Variants in LNP1 observed in about 807,000 individuals in gnomAD.
LNP1 encodes leukemia NUP98 fusion partner 1.
LNP1 carries 12 observed loss-of-function variants against 14.5 expected under a neutral mutation model. The ratio of observed to expected loss-of-function variants is 0.83; its 90% CI spans 0.53 to 1.34. The LOEUF is 1.34. Among genes scored for constraint, LNP1 ranks in the 40% most tolerant of loss-of-function variants. LNP1 has a pLI of 0.00. For synonymous variants in LNP1, 75 were observed against 71.4 expected (o/e 1.05, Z -0.26); for missense variants, 198 against 210.9 (o/e 0.94, Z 0.38).
intron 2 of LNP1, among the ~76,000 whole-genome samples, chr3:100,445,672 G>A (rs529716316): frequency 1.3e-5 from 2 of 152,134 alleles, no homozygotes; most frequent in East Asian, 3.9e-4. Context: ...AAAGTTTTTG[G>A]TTTTTAAAAA....
intron 1 of LNP1, among the ~76,000 whole-genome samples, chr3:100,421,914 T>C (rs530896596): frequency 6.6e-6 from 1 of 152,314 alleles, no homozygotes; most frequent in South Asian, 2.1e-4. Flanking sequence ...TGCAATTTAT[T>C]TTCCTAAATG....
intron 2 of LNP1, among the ~76,000 whole-genome samples, chr3:100,445,593 A>G (rs1457686735): frequency 6.6e-6 from 1 of 152,230 alleles, no homozygotes; most frequent in Non-Finnish European, 1.5e-5. Context: ...CTTAATTAAA[A>G]AACATTTTTA....
intron 1 of LNP1, among the ~76,000 whole-genome samples, chr3:100,412,860 A>G (rs939045958): frequency 2.0e-5 from 3 of 152,166 alleles, no homozygotes; most frequent in African/African-American, 7.2e-5. Flanking sequence ...CTGTATCTGT[A>G]AGAGGGTTGG....
At chr3:100,409,670 T>C (rs1362175459) in intron 1 of LNP1, among the ~76,000 whole-genome samples, 6 of 149,846 alleles carry the variant, frequency 4.0e-5, no homozygotes, top group African/African-American at 1.5e-4. Context: ...TGATCTCGGC[T>C]CACTGCAACT....
intron 2 of LNP1, among the ~76,000 whole-genome samples, chr3:100,446,755 G>A (rs1179312225): frequency 6.6e-6 from 1 of 151,824 alleles, no homozygotes; most frequent in Non-Finnish European, 1.5e-5. Flanking sequence ...AATTTACAAG[G>A]AAAAATCCAA....
rs1362685289 is a variant in LNP1 at position 100,401,715 on chromosome 3, G to A, written c.-758G>A. ...CTGAACTTCTTATCACTAACATAGC[G>A]AGATTTTAGTTTGGACGAATTTGAG... On this transcript the variant is annotated 5_prime_UTR_variant, in exon 1 of 4. Coordinates refer to ENST00000383693, the MANE Select transcript of LNP1 (RefSeq NM_001085451.2). The A allele has an allele frequency of 6.6e-6, 1 of 152,256 alleles. No homozygotes were observed. The highest frequency in any genetic ancestry group is 1.5e-5 in the Non-Finnish European group (1 of 68,064). 9.4% of individuals were successfully genotyped at this position (152,256 alleles called of 1,614,324 possible). A position where few individuals can be genotyped will look rare whatever the true frequency, so the allele number is the denominator to read the frequency against.
intron 2 of LNP1, among the ~76,000 whole-genome samples, chr3:100,450,106 T>C (rs1707424306): frequency 7.2e-6 from 1 of 139,262 alleles, no homozygotes; most frequent in African/African-American, 2.7e-5. Context: ...TTTTTTTTTT[T>C]TGGTGGGAAC....
intron 1 of LNP1, among the ~76,000 whole-genome samples, chr3:100,417,215 C>T (rs555719878): frequency 3.9e-5 from 6 of 151,988 alleles, no homozygotes; most frequent in South Asian, 2.1e-4. Flanking sequence ...TGTCTATTAC[C>T]TCCCTCTCCC....
intron 3 of LNP1, 45 bp from the exon 4 acceptor site, chr3:100,455,732 C>T: frequency 6.3e-7 from 1 of 1,591,640 alleles, no homozygotes; most frequent in Non-Finnish European, 8.6e-7. Flanking sequence ...GGAGTGTTGT[C>T]AGCTGCTTGT....
intron 3 of LNP1, among the ~76,000 whole-genome samples, chr3:100,454,097 A>C (rs1707486849): frequency 6.6e-6 from 1 of 152,164 alleles, no homozygotes; most frequent in Non-Finnish European, 1.5e-5. Flanking sequence ...TCTAAAATAC[A>C]AAATATGCTT....
intron 1 of LNP1, among the ~76,000 whole-genome samples, chr3:100,408,441 G>A (rs1338176023): frequency 6.6e-6 from 1 of 152,236 alleles, no homozygotes; most frequent in Non-Finnish European, 1.5e-5. Context: ...TGCAGCACTT[G>A]GGTGCACCCA....
At chr3:100,447,032 A>T (rs1256431359) in intron 2 of LNP1, among the ~76,000 whole-genome samples, 3 of 152,202 alleles carry the variant, frequency 2.0e-5, no homozygotes. Context: ...ATTGTGGAAG[A>T]CAGGGCGGCA....
At chr3:100,426,604 A>G (rs908692580) in intron 1 of LNP1, among the ~76,000 whole-genome samples, 1 of 152,188 alleles carries the variant, frequency 6.6e-6, no homozygotes, top group East Asian at 1.9e-4. Flanking sequence ...TTATATAAGA[A>G]CTTATTAGCA....
At chr3:100,415,133 G>T (rs10936193) in intron 1 of LNP1, among the ~76,000 whole-genome samples, 24,856 of 152,198 alleles carry the variant, frequency 0.16, 2,691 homozygotes, top group Non-Finnish European at 0.24. Flanking sequence ...AGCTTGTGAA[G>T]AAAAAGATCA....
At chr3:100,444,054 A>T (rs1707367321) in intron 2 of LNP1, among the ~76,000 whole-genome samples, 1 of 152,244 alleles carries the variant, frequency 6.6e-6, no homozygotes, top group Admixed American at 6.5e-5. Context: ...TTAGTTGATG[A>T]GTTAATTCCT....
intron 3 of LNP1, among the ~76,000 whole-genome samples, chr3:100,452,229 G>A (rs1161011828): frequency 6.8e-6 from 1 of 146,734 alleles, no homozygotes; most frequent in Non-Finnish European, 1.5e-5. Flanking sequence ...TTGAGATAGG[G>A]TCTTACTCTG....
At chr3:100,439,993 G>A (rs1486604123) in intron 2 of LNP1, among the ~76,000 whole-genome samples, 1 of 152,174 alleles carries the variant, frequency 6.6e-6, no homozygotes, top group African/African-American at 2.4e-5. Flanking sequence ...TTAAACAGGA[G>A]AAATTTATTT....
chr3:100,409,729 G>A (rs1391685649), intron 1 of LNP1, among the ~76,000 whole-genome samples: 4 of 150,488 alleles, frequency 2.7e-5, no homozygotes, highest in Admixed American at 2.0e-4. Context: ...CGAGTATCTG[G>A]GATTGCAGGT....
intron 1 of LNP1, among the ~76,000 whole-genome samples, chr3:100,418,926 T>G (rs1402138228): frequency 1.3e-5 from 2 of 152,220 alleles, no homozygotes; most frequent in Admixed American, 1.3e-4. Flanking sequence ...ATTGGTTCCC[T>G]GTGCTTTCCA....
Sources: allele counts gnomAD v4.1 joint callset (sites outside exome capture counted in the v4.1 genomes callset), GRCh38; gene constraint gnomAD v4.1.1; transcripts MANE v1.5; gene names NCBI Gene and HGNC (gene_info 2026-07-23, HGNC 2026-07-21).